The following PVT1 variants were observed in gnomAD, a reference collection of about 807,000 sequenced individuals.
The protein encoded by PVT1 is CXCR4/PVT1 fusion.
intron 2 of PVT1, among the ~76,000 whole-genome samples, chr8:127,853,733 AT>A (rs1815130070): frequency 6.6e-6 from 1 of 152,002 alleles, no homozygotes; most frequent in African/African-American, 2.4e-5. Context: ...ATGAGCCAAG[AT>A]TGTGCTGCTC....
chr8:127,876,241 G>T (rs1447592821), intron 2 of PVT1, among the ~76,000 whole-genome samples: 1 of 135,206 alleles, frequency 7.4e-6, no homozygotes, highest in Admixed American at 7.5e-5. Context: ...TCACACACAC[G>T]CCCCAAACAG....
intron 3 of PVT1, chr8:127,960,806 C>T (rs1277369736): frequency 6.4e-6 from 2 of 313,818 alleles, no homozygotes; most frequent in East Asian, 2.2e-4. Context: ...TAGGGTATTT[C>T]TCATTATGCA....
chr8:128,015,038 A>G (rs1817355616), intron 4 of PVT1, among the ~76,000 whole-genome samples: 1 of 151,622 alleles, frequency 6.6e-6, no homozygotes, highest in African/African-American at 2.4e-5. Flanking sequence ...CACCTAAGAG[A>G]AAGAAAAGAG....
intron 3 of PVT1, chr8:127,947,507 A>G (rs1443012914): frequency 5.7e-6 from 2 of 352,234 alleles, no homozygotes; most frequent in Non-Finnish European, 5.6e-6. Context: ...TGCCAGGCAC[A>G]CTGAGCCTGT....
chr8:127,947,147 A>G (rs777975807), intron 3 of PVT1: 3 of 153,452 alleles, frequency 2.0e-5, no homozygotes, highest in Non-Finnish European at 4.4e-5. Flanking sequence ...TCTAATAAGT[A>G]GGTGAGTATT....
intron 4 of PVT1, among the ~76,000 whole-genome samples, chr8:128,028,133 G>T (rs1017052536): frequency 1.3e-5 from 2 of 152,250 alleles, no homozygotes; most frequent in Non-Finnish European, 2.9e-5. Flanking sequence ...AGTCCAGCCA[G>T]GTCCCCCAGC....
chr8:127,822,393 A>G (rs992262679), intron 2 of PVT1, among the ~76,000 whole-genome samples: 6 of 152,334 alleles, frequency 3.9e-5, no homozygotes, highest in African/African-American at 1.4e-4. Flanking sequence ...CCTGGCCAGC[A>G]TGGTGAAATC....
chr8:127,850,916 A>G (rs1212527700), intron 2 of PVT1, among the ~76,000 whole-genome samples: 1 of 152,076 alleles, frequency 6.6e-6, no homozygotes, highest in African/African-American at 2.4e-5. Flanking sequence ...CTGAGGCAGG[A>G]GAATCACTTG....
chr8:127,930,705 A>AC (rs1167334238), intron 3 of PVT1, among the ~76,000 whole-genome samples: 1 of 151,788 alleles, frequency 6.6e-6, no homozygotes, highest in African/African-American at 2.4e-5. Context: ...TTCCCTTCGT[A>AC]CCCCCTCACT....
rs566201566 is a variant in PVT1, at chr8:127,834,226, T to C, written n.372+38155T>C. Among the ~76,000 whole-genome samples the C allele has an allele frequency of 2.7e-3, 414 of 152,250 alleles. 1 individual carries two copies. Among genetic ancestry groups the C allele is most frequent in the South Asian group, 0.02 (98 of 4,816 alleles). ...TGATACTAGTACCAAAACAGAGATA[T>C]AGACCAATGGAACAGAATGGAGGCC... On this transcript the variant is annotated intron_variant and non_coding_transcript_variant, in intron 2 of 10. Transcript: ENST00000651587.
chr8:127,868,348 A>C (rs1215890758), intron 2 of PVT1, among the ~76,000 whole-genome samples: 1 of 151,924 alleles, frequency 6.6e-6, no homozygotes, highest in African/African-American at 2.4e-5. Flanking sequence ...CATATGGTTG[A>C]TTTTACCAAT....
intron 2 of PVT1, among the ~76,000 whole-genome samples, chr8:127,833,762 C>T (rs1440861015): frequency 6.6e-5 from 10 of 152,096 alleles, no homozygotes; most frequent in Admixed American, 2.0e-4. Context: ...TGTCTTGGCC[C>T]GAGGGCATTG....
At chr8:128,022,857 C>G (rs1001423790) in intron 4 of PVT1, among the ~76,000 whole-genome samples, 9 of 143,272 alleles carry the variant, frequency 6.3e-5, no homozygotes, top group African/African-American at 2.3e-4. Context: ...ATGACGCAAG[C>G]TGAGATTTTT....
At chr8:127,949,009 C>T (rs1210778390) in intron 3 of PVT1, among the ~76,000 whole-genome samples, 3 of 152,208 alleles carry the variant, frequency 2.0e-5, no homozygotes, top group Non-Finnish European at 4.4e-5. Context: ...AGGCTCACTG[C>T]GAGCCAGGGC....
At chr8:128,035,224 G>T (rs1161175563) in intron 4 of PVT1, among the ~76,000 whole-genome samples, 1 of 152,212 alleles carries the variant, frequency 6.6e-6, no homozygotes, top group Non-Finnish European at 1.5e-5. Flanking sequence ...CATGAGAGGA[G>T]CTGCCTGCTG....
intron 2 of PVT1, among the ~76,000 whole-genome samples, chr8:127,868,357 A>G (rs760338666): frequency 2.0e-5 from 3 of 151,692 alleles, no homozygotes; most frequent in African/African-American, 7.3e-5. Flanking sequence ...GATTTTACCA[A>G]TTTCCTGTCA....
At chr8:127,844,871 G>A (rs1382614823) in intron 2 of PVT1, among the ~76,000 whole-genome samples, 5 of 151,958 alleles carry the variant, frequency 3.3e-5, no homozygotes, top group African/African-American at 1.2e-4. Flanking sequence ...CCACCACCAC[G>A]CCTGGTTAAT....
chr8:127,795,827 T>C (rs1156753376), intron 1 of PVT1: 1 of 166,342 alleles, frequency 6.0e-6, no homozygotes, highest in Non-Finnish European at 1.5e-5. Context: ...CGAATCTTTC[T>C]AAAGCTCTGA....
chr8:128,039,372 A>G (rs1463405178), intron 4 of PVT1, among the ~76,000 whole-genome samples: 1 of 152,106 alleles, frequency 6.6e-6, no homozygotes, highest in East Asian at 1.9e-4. Flanking sequence ...GACAATTTCT[A>G]CCCTGTGCCC....
Sources: allele counts gnomAD v4.1 joint callset (sites outside exome capture counted in the v4.1 genomes callset), GRCh38; gene constraint gnomAD v4.1.1; transcripts MANE v1.5; gene names NCBI Gene and HGNC (gene_info 2026-07-23, HGNC 2026-07-21).